SNX29: variants seen among roughly 807,000 people sequenced by gnomAD.
The protein encoded by SNX29 is sorting nexin-29.
SNX29 carries 78 observed loss-of-function variants against 102.1 expected under a neutral mutation model. The observed-to-expected ratio is 0.76, with a 90% CI of 0.64 to 0.92. The LOEUF (loss-of-function observed/expected upper bound fraction) is 0.92, where lower values mean the gene tolerates loss of function less well. SNX29 is among the 40% of genes least tolerant of loss of function. The pLI is 0.00. For synonymous variants in SNX29, 580 were observed against 414.5 expected (o/e 1.40, Z -4.85); for missense variants, 1,280 against 1,061.7 (o/e 1.21, Z -2.86).
chr16:12,540,885 C>A (rs967202343), intron 20 of SNX29, among the ~76,000 whole-genome samples: 1 of 152,208 alleles, frequency 6.6e-6, no homozygotes, highest in Non-Finnish European at 1.5e-5. Flanking sequence ...CTTCTGGACC[C>A]AGAGCTGGAG....
intron 16 of SNX29, among the ~76,000 whole-genome samples, chr16:12,380,287 C>G (rs1043049447): frequency 2.7e-5 from 4 of 148,998 alleles, no homozygotes; most frequent in Non-Finnish European, 5.9e-5. Context: ...CTGTTCTCAT[C>G]TACCCCCCAA....
intron 13 of SNX29, among the ~76,000 whole-genome samples, chr16:12,188,406 C>T (rs1385593171): frequency 1.3e-5 from 2 of 152,154 alleles, no homozygotes; most frequent in African/African-American, 4.8e-5. Flanking sequence ...TTTAATGGCA[C>T]AAAGTGCTGA....
In SNX29 at chr16:12,573,389, AGCTAGTTTCTATAGAG is replaced by A; in HGVS notation, c.*4761_*4776del. On this transcript the variant is annotated 3_prime_UTR_variant, in exon 21 of 21. Transcript: ENST00000566228. ...AACCAAGTTGCGTATCCTTCCTTATAGCTAGTTTCTATAGAGAAGTGAAAAAGAAATCTGGCTTCCT... is the reference window on the plus strand; with the variant it reads ...AACCAAGTTGCGTATCCTTCCTTATAAAGTGAAAAAGAAATCTGGCTTCCT... 8.9e-6 allele frequency: 2 copies of A among 224,180 alleles called. No homozygotes were observed. Among genetic ancestry groups the A allele is most frequent in the Non-Finnish European group, 1.8e-5 (2 of 112,492 alleles). The allele number at this position is 224,180 out of a possible 1,614,324, so 13.9% of individuals were successfully genotyped here.
At chr16:12,366,294 A>G (rs935148003) in intron 16 of SNX29, among the ~76,000 whole-genome samples, 5 of 152,190 alleles carry the variant, frequency 3.3e-5, no homozygotes, top group African/African-American at 1.2e-4. Context: ...TATTTCCCCA[A>G]GGAACACTAT....
chr16:11,983,546 A>AT, intron 1 of SNX29: 2 of 541,786 alleles, frequency 3.7e-6, no homozygotes, highest in Non-Finnish European at 4.7e-6. Flanking sequence ...TGCTATCAAC[A>AT]TTTTTTCCCC....
chr16:12,265,354 G>C (rs1017942699), intron 14 of SNX29, among the ~76,000 whole-genome samples: 1 of 152,126 alleles, frequency 6.6e-6, no homozygotes, highest in Non-Finnish European at 1.5e-5. Flanking sequence ...GCTGGGGAAG[G>C]GTGTGATAAC....
chr16:12,348,681 G>A (rs750570324), intron 15 of SNX29, among the ~76,000 whole-genome samples: 5 of 152,222 alleles, frequency 3.3e-5, no homozygotes, highest in African/African-American at 9.6e-5. Context: ...CAGTGATGGC[G>A]TATGCTGAGA....
At chr16:12,512,702 C>T (rs1477093131) in intron 19 of SNX29, among the ~76,000 whole-genome samples, 1 of 151,984 alleles carries the variant, frequency 6.6e-6, no homozygotes, top group Non-Finnish European at 1.5e-5. Context: ...GTGCATGAAC[C>T]ATAGACCGTC....
In SNX29 at chr16:12,446,334, G is replaced by A. The variant is rs557399705; in HGVS notation, c.2038-31385G>A. Among the ~76,000 whole-genome samples, 17 of 152,322 alleles carry A rather than the reference G, an allele frequency of 1.1e-4. No homozygotes were observed. In the East Asian group the frequency reaches 3.1e-3, roughly 28 times the overall value. ...GCCTCCCAAAGTGCTGGGATTACAG[G>A]CGTGAGCCACTGTGCCTGGCCCCAT... is the stretch of plus-strand genomic sequence containing the variant. On this transcript the variant is annotated intron_variant, in intron 18 of 20. Coordinates refer to ENST00000566228, the MANE Select transcript of SNX29 (RefSeq NM_032167.5).
At chr16:12,106,898 CT>C (rs1459617693) in intron 11 of SNX29, among the ~76,000 whole-genome samples, 10 of 152,056 alleles carry the variant, frequency 6.6e-5, no homozygotes. Flanking sequence ...TCCCTGCTGC[CT>C]TGTACTCCTG....
chr16:12,102,064 G>C (rs755171027), intron 11 of SNX29, among the ~76,000 whole-genome samples: 7 of 152,160 alleles, frequency 4.6e-5, no homozygotes, highest in Non-Finnish European at 8.8e-5. Context: ...ATGGTTTCCA[G>C]CTTCATCCAT....
At chr16:12,233,477 G>T (rs1046370689) in intron 14 of SNX29, among the ~76,000 whole-genome samples, 19 of 152,114 alleles carry the variant, frequency 1.2e-4, no homozygotes, top group Non-Finnish European at 2.6e-4. Context: ...AAAACTACCA[G>T]TTGGATACTA....
intron 16 of SNX29, among the ~76,000 whole-genome samples, chr16:12,363,273 T>G (rs2082358209): frequency 6.6e-6 from 1 of 152,206 alleles, no homozygotes. Context: ...CCAGCTCAGT[T>G]TTCCTCCTGG....
At chr16:12,000,398 G>T (rs1284938667) in intron 2 of SNX29, 1 of 152,218 alleles carries the variant, frequency 6.6e-6, no homozygotes, top group African/African-American at 2.4e-5. Context: ...ATAGTAAGAG[G>T]CAGAGCTAGG....
At chr16:12,159,479 T>G (rs1371394683) in intron 13 of SNX29, among the ~76,000 whole-genome samples, 1 of 152,222 alleles carries the variant, frequency 6.6e-6, no homozygotes, top group Non-Finnish European at 1.5e-5. Context: ...TGCTGAAGTT[T>G]CACCAAAGGA....
chr16:12,188,808 A>G (rs1373582044), intron 13 of SNX29, among the ~76,000 whole-genome samples: 1 of 152,212 alleles, frequency 6.6e-6, no homozygotes, highest in Non-Finnish European at 1.5e-5. Flanking sequence ...TCCAGAGAAC[A>G]GCCAAGGAGG....
At chr16:12,020,099 A>C (rs1199805897) in intron 3 of SNX29, among the ~76,000 whole-genome samples, 2 of 151,886 alleles carry the variant, frequency 1.3e-5, no homozygotes, top group Non-Finnish European at 2.9e-5. Context: ...CAGTTCCCCA[A>C]GTGTTAAATA....
intron 19 of SNX29, among the ~76,000 whole-genome samples, chr16:12,515,080 C>T (rs1487441390): frequency 6.6e-6 from 1 of 152,178 alleles, no homozygotes; most frequent in East Asian, 1.9e-4. Flanking sequence ...CCTCCTGCTG[C>T]TGCTACTAAT....
intron 3 of SNX29, among the ~76,000 whole-genome samples, chr16:12,016,261 A>C (rs973326677): frequency 6.6e-6 from 1 of 152,164 alleles, no homozygotes; most frequent in African/African-American, 2.4e-5. Context: ...GATTTTTACT[A>C]TGATGGACAA....
Sources: allele counts gnomAD v4.1 joint callset (sites outside exome capture counted in the v4.1 genomes callset), GRCh38; gene constraint gnomAD v4.1.1; transcripts MANE v1.5; gene names NCBI Gene and HGNC (gene_info 2026-07-23, HGNC 2026-07-21).